Variants in ACTR3B observed in about 807,000 individuals in gnomAD.
ACTR3B encodes actin-related protein 3B.
A neutral mutation model predicts 59.0 loss-of-function variants in ACTR3B; 8 were observed. The observed-to-expected ratio is 0.14, with a 90% CI of 0.08 to 0.24. The LOEUF (loss-of-function observed/expected upper bound fraction) is 0.24. ACTR3B is among the 10% of genes least tolerant of loss of function. The pLI is 1.00. For missense variants in ACTR3B, 245 were observed against 552.3 expected, an observed-to-expected ratio of 0.44 and a Z score of 5.58; for synonymous variants, 148 against 197.9, an observed-to-expected ratio of 0.75 and a Z score of 2.12.
intron 6 of ACTR3B, among the ~76,000 whole-genome samples, chr7:152,818,124 T>C (rs966754165): frequency 6.6e-6 from 1 of 152,194 alleles, no homozygotes; most frequent in Non-Finnish European, 1.5e-5. Flanking sequence ...AACTCAGGCT[T>C]CCGTTTCCTC....
intron 9 of ACTR3B, among the ~76,000 whole-genome samples, chr7:152,834,108 A>G (rs1797247066): frequency 6.6e-6 from 1 of 151,292 alleles, no homozygotes; most frequent in South Asian, 2.1e-4. Flanking sequence ...AATTGTAAAA[A>G]AACACTTTTA....
rs544271769 is a variant in ACTR3B, at chr7:152,759,944, C to T, written c.44+18C>T. 12 of 1,361,124 alleles carry T rather than the reference C, an allele frequency of 8.8e-6. No individual in the cohort carries two copies. Among genetic ancestry groups the T allele is most frequent in the Admixed American group, 2.9e-5 (1 of 34,912 alleles). 84.3% of individuals were successfully genotyped at this position (1,361,124 alleles called of 1,614,324 possible). A position where few individuals can be genotyped will look rare whatever the true frequency, so the allele number is the denominator to read the frequency against. ...GGCACCGGGTAAGAGCAGCTCGGCG[C>T]CCACCCCCGCTCCTCCGCGGCCCCG... On this transcript the variant is annotated intron_variant, in intron 1 of 11. Coordinates refer to ENST00000256001, the MANE Select transcript of ACTR3B (RefSeq NM_020445.6).
intron 9 of ACTR3B, among the ~76,000 whole-genome samples, chr7:152,845,203 C>T (rs1057280653): frequency 1.8e-4 from 27 of 151,140 alleles, no homozygotes; most frequent in Admixed American, 1.3e-3. Context: ...ATATAATATA[C>T]GTTATAACCT....
At chr7:152,831,582 T>C (rs13311328) in intron 9 of ACTR3B, among the ~76,000 whole-genome samples, 2 of 152,248 alleles carry the variant, frequency 1.3e-5, no homozygotes, top group Non-Finnish European at 2.9e-5. Context: ...ATGTGGCTGA[T>C]GGCCGTCCTA....
chr7:152,777,964 G>A (rs2098140457), intron 1 of ACTR3B, among the ~76,000 whole-genome samples: 1 of 150,616 alleles, frequency 6.6e-6, no homozygotes, highest in Non-Finnish European at 1.5e-5. Flanking sequence ...AAAAAAAAAA[G>A]AATTAAATTT....
At chr7:152,849,290 C>G (rs894195550) in intron 9 of ACTR3B, among the ~76,000 whole-genome samples, 1 of 152,148 alleles carries the variant, frequency 6.6e-6, no homozygotes, top group Non-Finnish European at 1.5e-5. Context: ...GGGCTGTTCC[C>G]TGTGAGTAGA....
chr7:152,787,611 G>A (rs1443338200), intron 2 of ACTR3B, among the ~76,000 whole-genome samples: 3 of 151,998 alleles, frequency 2.0e-5, no homozygotes, highest in East Asian at 1.9e-4. Context: ...TTTTCCATGC[G>A]GAAGGCTAGT....
At chr7:152,819,970 T>A (rs547704086) in intron 6 of ACTR3B, among the ~76,000 whole-genome samples, 7 of 152,290 alleles carry the variant, frequency 4.6e-5, no homozygotes, top group African/African-American at 1.7e-4. Context: ...ACCTATTGGG[T>A]TTAGTGTTCT....
chr7:152,833,692 A>G (rs571399058), intron 9 of ACTR3B, among the ~76,000 whole-genome samples: 111 of 152,290 alleles, frequency 7.3e-4, no homozygotes, highest in Non-Finnish European at 1.3e-3. Flanking sequence ...ACTTGCTGTT[A>G]ATATAGATTT....
chr7:152,800,346 G>C (rs947617571), intron 2 of ACTR3B, among the ~76,000 whole-genome samples, 185 bp from the exon 3 acceptor site: 1 of 152,288 alleles, frequency 6.6e-6, no homozygotes, highest in African/African-American at 2.4e-5. Flanking sequence ...TACCAGAATA[G>C]AATAGCCTGC....
chr7:152,830,893 T>C (rs116025123), intron 9 of ACTR3B, among the ~76,000 whole-genome samples: 2,119 of 152,346 alleles, frequency 0.014, 51 homozygotes, highest in African/African-American at 0.048. Context: ...AATACCTTAA[T>C]ATTTGGAGAG....
chr7:152,826,114 C>T (rs1165715499), intron 9 of ACTR3B, among the ~76,000 whole-genome samples: 1 of 152,118 alleles, frequency 6.6e-6, no homozygotes, highest in Non-Finnish European at 1.5e-5. Flanking sequence ...GAATCAGGCT[C>T]AACTGACAGC....
At chr7:152,783,866 G>A (rs1487586155) in intron 2 of ACTR3B, among the ~76,000 whole-genome samples, 1 of 151,876 alleles carries the variant, frequency 6.6e-6, no homozygotes, top group Non-Finnish European at 1.5e-5. Context: ...GAGGCGGGTG[G>A]ATCAGCTGAG....
chr7:152,798,636 C>G (rs1045569246), intron 2 of ACTR3B, among the ~76,000 whole-genome samples: 3 of 152,154 alleles, frequency 2.0e-5, no homozygotes, highest in African/African-American at 7.2e-5. Context: ...CCGTTTTCTT[C>G]TAATAGTTTC....
intron 2 of ACTR3B, among the ~76,000 whole-genome samples, chr7:152,794,530 T>C (rs962375666): frequency 6.6e-6 from 1 of 152,216 alleles, no homozygotes; most frequent in Non-Finnish European, 1.5e-5. Flanking sequence ...TTACAATCTT[T>C]TATATTGACT....
chr7:152,763,787 T>G (rs1330558768), intron 1 of ACTR3B, among the ~76,000 whole-genome samples: 1 of 152,186 alleles, frequency 6.6e-6, no homozygotes, highest in African/African-American at 2.4e-5. Context: ...ATTTTTGAAC[T>G]CTATTATTCT....
chr7:152,804,740 G>A (rs11773902), intron 4 of ACTR3B, among the ~76,000 whole-genome samples: 80,678 of 151,330 alleles, frequency 0.53, 23,269 homozygotes, highest in East Asian at 0.72. Context: ...TTCCCTCAGC[G>A]TGGAGGAACT....
intron 1 of ACTR3B, among the ~76,000 whole-genome samples, chr7:152,775,125 A>G (rs2098133200): frequency 1.4e-5 from 2 of 147,978 alleles, no homozygotes; most frequent in African/African-American, 5.1e-5. Flanking sequence ...CAGGAGGTCA[A>G]TGCTGCAATG....
chr7:152,850,973 T>C (rs1377251076), intron 9 of ACTR3B, among the ~76,000 whole-genome samples: 1 of 152,236 alleles, frequency 6.6e-6, no homozygotes, highest in African/African-American at 2.4e-5. Flanking sequence ...TTTCCTTATG[T>C]AGTTTTCACA....
Sources: gnomAD v4.1 joint callset for allele counts (sites outside exome capture counted in the v4.1 genomes callset) on GRCh38, gnomAD v4.1.1 for gene constraint, MANE v1.5 for transcripts, NCBI Gene and HGNC (gene_info 2026-07-23, HGNC 2026-07-21) for gene names.